ALCAM: variants seen among roughly 807,000 people sequenced by gnomAD.
ALCAM encodes the protein activated leukocyte cell adhesion molecule.
ALCAM carries 30 observed loss-of-function variants against 70.9 expected under a neutral mutation model. That is an observed-to-expected ratio of 0.42 (90% CI 0.32 to 0.57). ALCAM has a LOEUF of 0.57. Ranked by LOEUF, ALCAM falls within the 20% of genes least tolerant of loss-of-function variation. ALCAM has a pLI of 0.11. For missense variants in ALCAM, 591 were observed against 695.1 expected (o/e 0.85, Z 1.68); for synonymous variants, 249 against 242.5 (o/e 1.03, Z -0.25).
intron 1 of ALCAM, among the ~76,000 whole-genome samples, chr3:105,471,261 G>A (rs766440570): frequency 6.6e-6 from 1 of 151,098 alleles, no homozygotes; most frequent in Non-Finnish European, 1.5e-5. Flanking sequence ...TTTGGAAGCC[G>A]GAATTTAAAT....
chr3:105,391,418 A>G (rs892209588), intron 1 of ALCAM, among the ~76,000 whole-genome samples: 3 of 151,878 alleles, frequency 2.0e-5, no homozygotes, highest in Admixed American at 2.0e-4. Flanking sequence ...GGTGTATAGG[A>G]ATGCTGCTTA....
intron 1 of ALCAM, among the ~76,000 whole-genome samples, chr3:105,394,855 G>A (rs893829272): frequency 1.3e-5 from 2 of 151,896 alleles, no homozygotes; most frequent in African/African-American, 4.8e-5. Flanking sequence ...TAATTCAGTA[G>A]CTTACACAAA....
At chr3:105,452,100 G>A (rs13100997) in intron 1 of ALCAM, among the ~76,000 whole-genome samples, 2 of 151,074 alleles carry the variant, frequency 1.3e-5, no homozygotes, top group African/African-American at 2.4e-5. Flanking sequence ...TCATTTTTTG[G>A]TTTTTTTTTC....
intron 1 of ALCAM, among the ~76,000 whole-genome samples, chr3:105,425,779 T>C (rs1187425358): frequency 6.6e-6 from 1 of 151,510 alleles, no homozygotes; most frequent in Non-Finnish European, 1.5e-5. Context: ...TTTTTTACTT[T>C]AAAGTGGAGT....
chr3:105,394,234 C>T (rs936988018), intron 1 of ALCAM, among the ~76,000 whole-genome samples: 6 of 151,924 alleles, frequency 3.9e-5, no homozygotes, highest in South Asian at 2.1e-4. Context: ...TTGTTTACTT[C>T]GCATTTTACT....
intron 8 of ALCAM, among the ~76,000 whole-genome samples, chr3:105,543,001 G>T (rs1394956768): frequency 1.3e-5 from 2 of 151,630 alleles, no homozygotes; most frequent in Non-Finnish European, 1.5e-5. Flanking sequence ...TGAAGAAAGA[G>T]AATATAGCCA....
intron 1 of ALCAM, among the ~76,000 whole-genome samples, chr3:105,448,273 A>G (rs1937342594): frequency 6.6e-6 from 1 of 152,194 alleles, no homozygotes; most frequent in African/African-American, 2.4e-5. Flanking sequence ...ATAAAACCCT[A>G]AAGAATATCA....
At chr3:105,376,111 A>AAGACAG in intron 1 of ALCAM, among the ~76,000 whole-genome samples, 1 of 151,882 alleles carries the variant, frequency 6.6e-6, no homozygotes, top group Non-Finnish European at 1.5e-5. Context: ...AGGAGAGAGA[A>AAGACAG]AGACAGAGAC....
intron 14 of ALCAM, 63 bp downstream of exon 14, chr3:105,552,648 CT>C: frequency 6.2e-7 from 1 of 1,608,032 alleles, no homozygotes; most frequent in Non-Finnish European, 8.5e-7. Context: ...ATACAATGTG[CT>C]AATTTTGCTC....
At chr3:105,446,842 C>T (rs1461751325) in intron 1 of ALCAM, among the ~76,000 whole-genome samples, 1 of 151,914 alleles carries the variant, frequency 6.6e-6, no homozygotes, top group Non-Finnish European at 1.5e-5. Context: ...AATAGTGGCT[C>T]CCAGATCTGG....
At chr3:105,450,568 A>G (rs890726001) in intron 1 of ALCAM, among the ~76,000 whole-genome samples, 4 of 152,226 alleles carry the variant, frequency 2.6e-5, no homozygotes. Flanking sequence ...TATGGGTGCC[A>G]TAAGTCTCTT....
chr3:105,395,546 C>T (rs1935929197), intron 1 of ALCAM, among the ~76,000 whole-genome samples: 1 of 151,894 alleles, frequency 6.6e-6, no homozygotes, highest in South Asian at 2.1e-4. Context: ...TGAAAATATG[C>T]TTTTCTTTTA....
chr3:105,506,862 C>T (rs1453079233), intron 1 of ALCAM, among the ~76,000 whole-genome samples: 1 of 152,226 alleles, frequency 6.6e-6, no homozygotes, highest in African/African-American at 2.4e-5. Context: ...ACTCAAGACA[C>T]TCTTGTTCAT....
rs575531783 is a variant in ALCAM at position 105,534,419 on chromosome 3, T to A, written c.548-244T>A. ...AAGAATCAAGAGCAGAGGAAATAAT[T>A]TCTGTATATGGCATGATCTAGAAGT... is the stretch of plus-strand genomic sequence containing the variant. On this transcript the variant is annotated intron_variant, in intron 5 of 15. Transcript: ENST00000306107. Among the ~76,000 whole-genome samples, 31 of 152,282 alleles carry A rather than the reference T, an allele frequency of 2.0e-4. 2 individuals carry two copies. The South Asian group carries it at 6.2e-3, about 31-fold the overall frequency.
intron 1 of ALCAM, among the ~76,000 whole-genome samples, chr3:105,378,364 A>G (rs115874159): frequency 0.032 from 4,939 of 152,022 alleles, 214 homozygotes; most frequent in African/African-American, 0.094. Flanking sequence ...TATTTAGTTT[A>G]GATGTTCAAA....
intron 1 of ALCAM, among the ~76,000 whole-genome samples, chr3:105,477,281 T>C (rs1938147043): frequency 6.6e-6 from 1 of 152,148 alleles, no homozygotes; most frequent in Non-Finnish European, 1.5e-5. Context: ...TGAGCTCATT[T>C]GGTATTAATT....
At chr3:105,407,332 G>A (rs991744768) in intron 1 of ALCAM, among the ~76,000 whole-genome samples, 2 of 151,800 alleles carry the variant, frequency 1.3e-5, no homozygotes, top group Non-Finnish European at 2.9e-5. Context: ...CAAAATGCTA[G>A]CAAACCAATT....
intron 1 of ALCAM, among the ~76,000 whole-genome samples, chr3:105,495,402 A>T (rs1203306903): frequency 6.6e-6 from 1 of 151,600 alleles, no homozygotes; most frequent in Admixed American, 6.6e-5. Context: ...GCACTAGAAG[A>T]ATGAACAGGG....
At chr3:105,552,100 A>C in intron 12 of ALCAM, 44 bp from the exon 13 acceptor site, 5 of 1,477,412 alleles carry the variant, frequency 3.4e-6, no homozygotes, top group Non-Finnish European at 4.6e-6. Context: ...TTCATATATC[A>C]ACAAATTTTG....
Sources: gnomAD v4.1 joint callset for allele counts (sites outside exome capture counted in the v4.1 genomes callset) on GRCh38, gnomAD v4.1.1 for gene constraint, MANE v1.5 for transcripts, NCBI Gene and HGNC (gene_info 2026-07-23, HGNC 2026-07-21) for gene names.